The following ARHGAP44 variants were observed in gnomAD, a reference collection of about 807,000 sequenced individuals.
ARHGAP44 encodes Rho GTPase activating protein 44.
ARHGAP44 carries 43 observed loss-of-function variants against 106.8 expected under a neutral mutation model. That is an observed-to-expected ratio of 0.40 (90% CI 0.32 to 0.52). The LOEUF is 0.52. Among genes scored for constraint, ARHGAP44 ranks in the 20% least tolerant of loss-of-function variants. The probability of loss-of-function intolerance (pLI) is 0.48; values close to 1 mark genes in which losing one functional copy is unlikely to be tolerated. For missense variants in ARHGAP44, 866 were observed against 1,050.5 expected (o/e 0.82, Z 2.43); for synonymous variants, 439 against 410.3 (o/e 1.07, Z -0.85).
intron 1 of ARHGAP44, among the ~76,000 whole-genome samples, chr17:12,852,899 G>A (rs2150851431): frequency 6.6e-6 from 1 of 152,292 alleles, no homozygotes; most frequent in South Asian, 2.1e-4. Flanking sequence ...AGTATAGATT[G>A]CATGGTCAGG....
At chr17:12,983,731 G>A (rs1273064192) in intron 19 of ARHGAP44, among the ~76,000 whole-genome samples, 2 of 152,142 alleles carry the variant, frequency 1.3e-5, no homozygotes, top group East Asian at 3.9e-4. Context: ...TTGAACCTGG[G>A]AGGCGGAGGT....
chr17:12,955,564 G>A (rs1471501302), intron 13 of ARHGAP44, among the ~76,000 whole-genome samples: 1 of 152,176 alleles, frequency 6.6e-6, no homozygotes, highest in Non-Finnish European at 1.5e-5. Flanking sequence ...AATGGGGTTT[G>A]TAAAAAGTGA....
At chr17:12,799,769 A>G (rs2034033440) in intron 1 of ARHGAP44, among the ~76,000 whole-genome samples, 1 of 152,146 alleles carries the variant, frequency 6.6e-6, no homozygotes, top group African/African-American at 2.4e-5. Context: ...AGCTGAGATT[A>G]CAGGCAGCTG....
At chr17:12,868,092 T>C (rs997264971) in intron 1 of ARHGAP44, among the ~76,000 whole-genome samples, 4 of 152,192 alleles carry the variant, frequency 2.6e-5, no homozygotes, top group African/African-American at 9.7e-5. Context: ...GAGAGCGTTG[T>C]GCTACAAAGA....
intron 1 of ARHGAP44, among the ~76,000 whole-genome samples, chr17:12,797,845 C>T (rs1000744939): frequency 9.9e-5 from 15 of 152,260 alleles, no homozygotes; most frequent in African/African-American, 3.4e-4. Context: ...GGGAATAGGG[C>T]ATGTTTATTC....
intron 1 of ARHGAP44, among the ~76,000 whole-genome samples, chr17:12,891,285 A>G (rs369285071): frequency 1.3e-5 from 2 of 152,114 alleles, no homozygotes; most frequent in Admixed American, 6.5e-5. Context: ...TCTGGTACCA[A>G]TTGTCTTTGT....
intron 3 of ARHGAP44, among the ~76,000 whole-genome samples, chr17:12,899,232 G>A (rs2037302756): frequency 6.6e-6 from 1 of 152,098 alleles, no homozygotes; most frequent in African/African-American, 2.4e-5. Flanking sequence ...GCCTCCCAAA[G>A]TGCTGGGATT....
At chr17:12,963,225 T>A (rs1222880637) in intron 16 of ARHGAP44, among the ~76,000 whole-genome samples, 1 of 152,070 alleles carries the variant, frequency 6.6e-6, no homozygotes, top group Non-Finnish European at 1.5e-5. Context: ...GGAATCTGAT[T>A]GCTTTCCCTT....
At chr17:12,962,718 C>A (rs1010901059) in intron 16 of ARHGAP44, among the ~76,000 whole-genome samples, 1 of 152,148 alleles carries the variant, frequency 6.6e-6, no homozygotes, top group South Asian at 2.1e-4. Flanking sequence ...TCCTTGATTT[C>A]CACCTGGTAA....
chr17:12,956,054 C>G, intron 14 of ARHGAP44, 74 bp downstream of exon 14: 1 of 1,083,978 alleles, frequency 9.2e-7, no homozygotes, highest in Admixed American at 2.0e-5. Context: ...GGCAGGACAG[C>G]TGGGGCCTAG....
chr17:12,807,424 T>A (rs1197600491), intron 1 of ARHGAP44, among the ~76,000 whole-genome samples: 5 of 152,172 alleles, frequency 3.3e-5, no homozygotes, highest in Non-Finnish European at 5.9e-5. Flanking sequence ...CTGGATAATT[T>A]ATAAAGGAAA....
chr17:12,944,014 A>G (rs781089693), intron 9 of ARHGAP44, 55 bp from the exon 10 acceptor site: 16 of 1,525,346 alleles, frequency 1.0e-5, no homozygotes, highest in Non-Finnish European at 1.4e-5. Flanking sequence ...GCGAGATTCC[A>G]GCATGAGTGA....
intron 3 of ARHGAP44, among the ~76,000 whole-genome samples, chr17:12,905,772 G>A (rs1272060882): frequency 1.3e-5 from 2 of 152,144 alleles, no homozygotes; most frequent in Non-Finnish European, 2.9e-5. Context: ...CTGAAGTCTT[G>A]TCCTGATGGC....
At chr17:12,902,779 T>G (rs1485551912) in intron 3 of ARHGAP44, among the ~76,000 whole-genome samples, 1 of 152,230 alleles carries the variant, frequency 6.6e-6, no homozygotes, top group Non-Finnish European at 1.5e-5. Context: ...AAGCCTTAGC[T>G]TCTTCATTTG....
At chr17:12,801,433 T>G (rs908654049) in intron 1 of ARHGAP44, among the ~76,000 whole-genome samples, 2 of 152,232 alleles carry the variant, frequency 1.3e-5, no homozygotes, top group African/African-American at 4.8e-5. Context: ...GAGTGCCTTG[T>G]TGCTGCTGGT....
chr17:12,963,350 G>T (rs2039310077), intron 16 of ARHGAP44, among the ~76,000 whole-genome samples: 1 of 151,766 alleles, frequency 6.6e-6, no homozygotes, highest in African/African-American at 2.4e-5. Context: ...CTGGGTCTCT[G>T]GAGACAGTCA....
intron 1 of ARHGAP44, among the ~76,000 whole-genome samples, chr17:12,857,412 G>A (rs2035943380): frequency 6.6e-6 from 1 of 152,186 alleles, no homozygotes; most frequent in African/African-American, 2.4e-5. Context: ...ACATGGCAGA[G>A]GGTGTTACAT....
intron 1 of ARHGAP44, among the ~76,000 whole-genome samples, chr17:12,863,876 G>A (rs769684735): frequency 1.2e-4 from 18 of 152,222 alleles, no homozygotes; most frequent in Non-Finnish European, 2.2e-4. Context: ...GGGCTTAAAT[G>A]CTGGGGCTGG....
At chr17:12,979,283 C>T (rs141137552) in intron 18 of ARHGAP44, among the ~76,000 whole-genome samples, 7 of 151,300 alleles carry the variant, frequency 4.6e-5, no homozygotes, top group Non-Finnish European at 7.4e-5. Flanking sequence ...TCTTCTAATA[C>T]GTGCTTCATC....
Sources: gnomAD v4.1 joint callset for allele counts (sites outside exome capture counted in the v4.1 genomes callset) on GRCh38, gnomAD v4.1.1 for gene constraint, MANE v1.5 for transcripts, NCBI Gene and HGNC (gene_info 2026-07-23, HGNC 2026-07-21) for gene names.